Variants in FGF14 observed in about 807,000 individuals in gnomAD.
The protein encoded by FGF14 is fibroblast growth factor homologous factor 4.
In FGF14, 5 loss-of-function variants were observed where a neutral mutation model predicts 25.5. The observed-to-expected ratio is 0.20, with a 90% CI of 0.10 to 0.41. The LOEUF is 0.41. Among genes scored for constraint, FGF14 ranks in the 10% least tolerant of loss-of-function variants. The pLI is 1.00. For missense variants in FGF14, 222 were observed against 320.1 expected (o/e 0.69, Z 2.34); for synonymous variants, 138 against 118.3 (o/e 1.17, Z -1.08).
rs116954690 is a variant in FGF14, at chr13:101,786,295, A to G, written c.409-59485T>C. Among the ~76,000 whole-genome samples, 1,018 of 152,314 alleles carry G rather than the reference A, an allele frequency of 6.7e-3. 3 individuals carry two copies. The highest frequency in any genetic ancestry group is 8.6e-3 in the Non-Finnish European group (582 of 68,028). On this transcript the variant is annotated intron_variant, in intron 3 of 4. Coordinates refer to ENST00000376143, the MANE Select transcript of FGF14 (RefSeq NM_004115.4). ...GAGAACAGGAATTTTTACATAGGGA[A>G]AGACTTAATTATTTGCTTAGAGATT...
intron 1 of FGF14, among the ~76,000 whole-genome samples, chr13:101,880,964 G>GA (rs1267058732): frequency 6.6e-6 from 1 of 152,134 alleles, no homozygotes; most frequent in Non-Finnish European, 1.5e-5. Flanking sequence ...TTTTGAAACG[G>GA]AAACACAAAT....
chr13:102,055,561 A>G (rs1192666895), intron 1 of FGF14, among the ~76,000 whole-genome samples: 1 of 152,238 alleles, frequency 6.6e-6, no homozygotes, highest in Admixed American at 6.5e-5. Context: ...ATCATCCCTT[A>G]GAACTGGGCA....
At chr13:102,136,571 T>C (rs1418455341) in intron 1 of FGF14, among the ~76,000 whole-genome samples, 3 of 151,568 alleles carry the variant, frequency 2.0e-5, no homozygotes, top group Non-Finnish European at 4.4e-5. Flanking sequence ...GCAACCACAA[T>C]GATCCTCTTG....
At chr13:101,880,097 C>A (rs2045616730) in intron 1 of FGF14, among the ~76,000 whole-genome samples, 1 of 152,148 alleles carries the variant, frequency 6.6e-6, no homozygotes, top group African/African-American at 2.4e-5. Context: ...GAACCCCTTC[C>A]CTCTAGGAAC....
At position 102,050,649 on chromosome 13, in the gene FGF14, G is replaced by T. The variant is rs1036429381; in HGVS notation, c.209-175353C>A. Reference sequence around the variant, plus strand: ...TCACCAAGATGATGTCACAAATATGGCAGAGTAAGAGACAAGCCTTCATCC... The same window carrying T: ...TCACCAAGATGATGTCACAAATATGTCAGAGTAAGAGACAAGCCTTCATCC... On this transcript the variant is annotated intron_variant, in intron 1 of 4. Transcript: ENST00000376131. Among the ~76,000 whole-genome samples the T allele has an allele frequency of 7.2e-5, 11 of 152,182 alleles. No homozygotes were observed. The East Asian group carries it at 2.1e-3, about 29-fold the overall frequency.
chr13:101,867,500 G>C (rs144031327), intron 3 of FGF14, among the ~76,000 whole-genome samples: 2 of 152,132 alleles, frequency 1.3e-5, no homozygotes, highest in East Asian at 3.9e-4. Context: ...AATATTACTT[G>C]GGAAGAAGAT....
At chr13:102,198,294 G>A (rs559045136) in intron 1 of FGF14, among the ~76,000 whole-genome samples, 2 of 152,308 alleles carry the variant, frequency 1.3e-5, no homozygotes, top group African/African-American at 2.4e-5. Flanking sequence ...ACTGGAAAAC[G>A]AAGTTAGACC....
chr13:102,306,955 G>C (rs544768254), intron 1 of FGF14, among the ~76,000 whole-genome samples: 14 of 152,076 alleles, frequency 9.2e-5, no homozygotes, highest in Admixed American at 9.2e-4. Context: ...TTAAGGGTAA[G>C]GACCTCGAGA....
chr13:101,716,466 TCTAC>T lies in FGF14; in HGVS notation c.*6361_*6364del, dbSNP rs2034726677. 6.6e-6 allele frequency: 1 copy of T among 152,192 alleles called. No homozygotes were observed. Among genetic ancestry groups the T allele is most frequent in the African/African-American group, 2.4e-5 (1 of 41,452 alleles). 9.4% of individuals were successfully genotyped at this position (152,192 alleles called of 1,614,324 possible). A position where few individuals can be genotyped will look rare whatever the true frequency, so the allele number is the denominator to read the frequency against. On this transcript the variant is annotated 3_prime_UTR_variant, in exon 5 of 5. Coordinates refer to ENST00000376143, the MANE Select transcript of FGF14 (RefSeq NM_004115.4). ...TTTATACTCTGTGTCAGTATATATA[TCTAC>T]TGATAATTAAAAATGAATTGTTATT...
intron 3 of FGF14, among the ~76,000 whole-genome samples, chr13:101,759,613 C>T (rs1471332044): frequency 2.0e-5 from 3 of 152,162 alleles, no homozygotes; most frequent in Non-Finnish European, 4.4e-5. Context: ...AACTGTCTCA[C>T]CTATTTTAAT....
intron 3 of FGF14, among the ~76,000 whole-genome samples, chr13:101,805,827 C>A (rs1167255493): frequency 6.6e-6 from 1 of 151,908 alleles, no homozygotes; most frequent in Non-Finnish European, 1.5e-5. Flanking sequence ...TCAAAAAACA[C>A]TTCAATAAAA....
At chr13:102,044,997 T>C (rs1290818201) in intron 1 of FGF14, among the ~76,000 whole-genome samples, 1 of 152,178 alleles carries the variant, frequency 6.6e-6, no homozygotes, top group Non-Finnish European at 1.5e-5. Context: ...ACAGCAATAG[T>C]GGCAAAAACA....
chr13:102,106,807 T>C (rs17588475), intron 1 of FGF14, among the ~76,000 whole-genome samples: 9,121 of 152,210 alleles, frequency 0.06, 359 homozygotes, highest in Non-Finnish European at 0.09. Flanking sequence ...CCTGAGAACA[T>C]AGGGGAAATA....
At chr13:102,391,398 A>G (rs1312135762) in intron 1 of FGF14, among the ~76,000 whole-genome samples, 1 of 152,228 alleles carries the variant, frequency 6.6e-6, no homozygotes, top group Non-Finnish European at 1.5e-5. Context: ...ATGTACCAGA[A>G]TGGCCTCAGT....
intron 1 of FGF14, among the ~76,000 whole-genome samples, chr13:102,170,307 T>C (rs2048195001): frequency 6.6e-6 from 1 of 152,016 alleles, no homozygotes; most frequent in Non-Finnish European, 1.5e-5. Context: ...ATAGGAAATA[T>C]CAACTCTCCT....
chr13:102,161,164 A>G (rs2047605457), intron 1 of FGF14, among the ~76,000 whole-genome samples: 1 of 152,202 alleles, frequency 6.6e-6, no homozygotes, highest in South Asian at 2.1e-4. Context: ...AAATATCTAC[A>G]ATGTATCAGG....
intron 1 of FGF14, among the ~76,000 whole-genome samples, chr13:101,901,272 C>G (rs1029325020): frequency 1.3e-5 from 2 of 152,142 alleles, no homozygotes; most frequent in Admixed American, 6.5e-5. Flanking sequence ...AGAAGATGAA[C>G]TAAAGCCATA....
chr13:101,921,969 T>C (rs1302488449), intron 1 of FGF14, among the ~76,000 whole-genome samples: 1 of 152,240 alleles, frequency 6.6e-6, no homozygotes, highest in East Asian at 1.9e-4. Flanking sequence ...TCCATGTACT[T>C]TCCTTATTTA....
At chr13:102,238,496 C>T (rs188785655) in intron 1 of FGF14, among the ~76,000 whole-genome samples, 1 of 152,324 alleles carries the variant, frequency 6.6e-6, no homozygotes, top group Admixed American at 6.5e-5. Flanking sequence ...ATATATCTCA[C>T]ATCTCAATCA....
Sources: gnomAD v4.1 joint callset for allele counts (sites outside exome capture counted in the v4.1 genomes callset) on GRCh38, gnomAD v4.1.1 for gene constraint, MANE v1.5 for transcripts, NCBI Gene and HGNC (gene_info 2026-07-23, HGNC 2026-07-21) for gene names.